DDHD1: variants seen among roughly 807,000 people sequenced by gnomAD.
DDHD1 encodes phospholipase DDHD1.
DDHD1 carries 49 observed loss-of-function variants against 96.4 expected under a neutral mutation model. That is an observed-to-expected ratio of 0.51 (90% CI 0.40 to 0.64). The LOEUF (loss-of-function observed/expected upper bound fraction) is 0.64. Ranked by LOEUF, DDHD1 falls within the 30% of genes least tolerant of loss-of-function variation. DDHD1 has a pLI of 0.00. For synonymous variants in DDHD1, 442 were observed against 446.5 expected (o/e 0.99, Z 0.13); for missense variants, 1,106 against 1,161.2 (o/e 0.95, Z 0.69).
At position 53,150,911 on chromosome 14, in the gene DDHD1, G is replaced by A. The variant is rs897870688; in HGVS notation, c.838+1350C>T. On this transcript the variant is annotated intron_variant, in intron 1 of 12. Transcript: ENST00000673822. ...ATCTAAAAAAGTGAATGATGTAACA[G>A]ATCTCACTAAATCTGACCTTATAAA... Among the ~76,000 whole-genome samples, 6 of 152,280 alleles carry A rather than the reference G, an allele frequency of 3.9e-5. No individual in the cohort carries two copies. The East Asian group carries it at 9.6e-4, about 24-fold the overall frequency.
At position 53,152,971 on chromosome 14, in the gene DDHD1, T is replaced by C. The variant is rs1891571443; in HGVS notation, c.128A>G (p.His43Arg). The change falls in exon 1 of 13, where the codon CAC becomes CGC. Residue 43 changes from histidine to arginine, a missense_variant. His to Arg is a conservative substitution (Grantham distance 29). Coordinates refer to ENST00000673822, the MANE Select transcript of DDHD1 (RefSeq NM_001160148.2). ...AFGGGVCCFE[H>R]LPGGDPDDGD... is the part of the protein sequence containing the mutation. Reference sequence around the variant, plus strand: ...GTCGTCCGGGTCCCCGCCGGGCAGGTGCTCGAAGCAGCAGACGCCGCCGCC... The same window carrying C: ...GTCGTCCGGGTCCCCGCCGGGCAGGCGCTCGAAGCAGCAGACGCCGCCGCC... 1.3e-6 allele frequency: 2 copies of C among 1,579,582 alleles called. No individual in the cohort carries two copies.
intron 12 of DDHD1, 93 bp from the exon 13 acceptor site, chr14:53,047,042 A>C (rs1882071326): frequency 2.0e-6 from 2 of 980,916 alleles, no homozygotes; most frequent in Non-Finnish European, 2.8e-6. Flanking sequence ...AATTTAGCTA[A>C]ATAGAAGTGA....
intron 2 of DDHD1, chr14:53,103,339 C>A: frequency 2.7e-6 from 1 of 364,746 alleles, no homozygotes; most frequent in Non-Finnish European, 4.8e-6. Context: ...TGAAACTTGT[C>A]TTGATATAAC....
intron 1 of DDHD1, among the ~76,000 whole-genome samples, chr14:53,137,247 C>T (rs1000467806): frequency 6.6e-6 from 1 of 152,036 alleles, no homozygotes; most frequent in African/African-American, 2.4e-5. Context: ...TTCAAGAAAA[C>T]AGCAATAGAA....
In DDHD1 at chr14:53,098,498, G is replaced by A. The variant is rs187755713; in HGVS notation, c.1013-5054C>T. ...CCTGAAAAATTCCAACCCCAGGGAA[G>A]CAGTCTTACACATCTCTAACCTGCC... On this transcript the variant is annotated intron_variant, in intron 2 of 12. Transcript: ENST00000673822. Among the ~76,000 whole-genome samples the A allele has an allele frequency of 8.5e-3, 1,286 of 152,082 alleles. 35 individuals carry two copies. Among genetic ancestry groups the A allele is most frequent in the Admixed American group, 0.024 (361 of 15,274 alleles).
intron 1 of DDHD1, among the ~76,000 whole-genome samples, chr14:53,148,604 C>T (rs908797911): frequency 2.0e-5 from 3 of 152,194 alleles, no homozygotes; most frequent in South Asian, 2.1e-4. Context: ...TGAGCCACCA[C>T]GCCTGGCCTA....
intron 4 of DDHD1, among the ~76,000 whole-genome samples, chr14:53,085,554 G>T (rs1566550908): frequency 6.6e-6 from 1 of 152,164 alleles, no homozygotes; most frequent in Non-Finnish European, 1.5e-5. Flanking sequence ...GCAGCTGAGG[G>T]ACCTGACTGT....
At chr14:53,075,039 C>T (rs184048852) in intron 4 of DDHD1, among the ~76,000 whole-genome samples, 37 of 152,272 alleles carry the variant, frequency 2.4e-4, no homozygotes, top group Middle Eastern at 3.4e-3. Flanking sequence ...CTTTCTCCTG[C>T]TCCGAGGGCT....
At chr14:53,149,433 G>A (rs1361572699) in intron 1 of DDHD1, among the ~76,000 whole-genome samples, 3 of 152,124 alleles carry the variant, frequency 2.0e-5, no homozygotes, top group Admixed American at 6.5e-5. Flanking sequence ...AAGCTGCAAC[G>A]TATAGTATGA....
At chr14:53,067,138 C>T (rs577557391) in intron 6 of DDHD1, among the ~76,000 whole-genome samples, 3 of 150,898 alleles carry the variant, frequency 2.0e-5, no homozygotes, top group South Asian at 2.1e-4. Flanking sequence ...CTGGGAGATC[C>T]GGGAAACTAT....
intron 1 of DDHD1, among the ~76,000 whole-genome samples, chr14:53,145,236 TC>T (rs1890896271): frequency 6.6e-6 from 1 of 151,624 alleles, no homozygotes; most frequent in Non-Finnish European, 1.5e-5. Flanking sequence ...TGATGGATCA[TC>T]CCTGCAGTCC....
intron 2 of DDHD1, among the ~76,000 whole-genome samples, chr14:53,102,645 A>G (rs908525277): frequency 1.1e-4 from 12 of 112,894 alleles, no homozygotes; most frequent in Non-Finnish European, 1.8e-4. Context: ...AAATGTATAC[A>G]TATGTTCAGA....
rs1285552293 is a variant in DDHD1, at chr14:53,123,252, T to C, written c.839-19396A>G. 2.0e-5 allele frequency among the ~76,000 whole-genome samples: 3 copies of C among 151,834 alleles called. No homozygotes were observed. In the East Asian group the frequency reaches 5.8e-4, roughly 29 times the overall value. On this transcript the variant is annotated intron_variant, in intron 1 of 12. Transcript: ENST00000673822. ...ACCTCCGCCTCCAGAGTTCTAGTGA[T>C]TCTCCTGCCTCAGCCTCCCAAGTAG...
intron 6 of DDHD1, among the ~76,000 whole-genome samples, chr14:53,065,336 T>C (rs1883930053): frequency 6.6e-6 from 1 of 152,242 alleles, no homozygotes; most frequent in Non-Finnish European, 1.5e-5. Context: ...TAGTCATCTA[T>C]ATCAATTAAA....
chr14:53,055,911 G>A lies in DDHD1; in HGVS notation c.1994C>T (p.Ala665Val), dbSNP rs1244267176. 2.5e-6 allele frequency: 4 copies of A among 1,595,380 alleles called. No individual in the cohort carries two copies. Among genetic ancestry groups the A allele is most frequent in the Non-Finnish European group, 3.4e-6 (4 of 1,172,176 alleles). Reference protein sequence around the residue: ...LNIFHPTDPVAYRLEPLILKH... With the variant: ...LNIFHPTDPVVYRLEPLILKH... ...CAGTATTAATGGTTCTAATCTATAA[G>A]CCTTGATTTAAAAAAAAAAATTCAA... Residue 665 changes from alanine to valine, a missense_variant and splice_region_variant, in exon 10 of 13, where the codon GCT becomes GTT. Coordinates refer to ENST00000673822, the MANE Select transcript of DDHD1 (RefSeq NM_001160148.2).
chr14:53,144,235 A>G (rs2139896285), intron 1 of DDHD1, among the ~76,000 whole-genome samples: 1 of 152,376 alleles, frequency 6.6e-6, no homozygotes, highest in South Asian at 2.1e-4. Context: ...AGTGAAAGGC[A>G]AAGAGCGGAA....
At chr14:53,121,831 AGAT>A (rs1394459739) in intron 1 of DDHD1, among the ~76,000 whole-genome samples, 1 of 151,816 alleles carries the variant, frequency 6.6e-6, no homozygotes, top group African/African-American at 2.4e-5. Flanking sequence ...CTTAAAATCT[AGAT>A]GATGGGTTGA....
At chr14:53,060,147 A>G (rs1883426697) in intron 8 of DDHD1, among the ~76,000 whole-genome samples, 1 of 152,182 alleles carries the variant, frequency 6.6e-6, no homozygotes, top group Non-Finnish European at 1.5e-5. Context: ...ACATTTCAAG[A>G]AGAGGTAATA....
chr14:53,077,669 GTT>G (rs869283263), intron 4 of DDHD1, among the ~76,000 whole-genome samples: 1,092 of 37,394 alleles, frequency 0.029, 8 homozygotes, highest in South Asian at 0.21. Flanking sequence ...TTTTGTTTTT[GTT>G]TTTTTTTTTT....
Sources: gnomAD v4.1 joint callset for allele counts (sites outside exome capture counted in the v4.1 genomes callset) on GRCh38, gnomAD v4.1.1 for gene constraint, MANE v1.5 for transcripts, NCBI Gene and HGNC (gene_info 2026-07-23, HGNC 2026-07-21) for gene names.